Variants in PCDHA4 observed in about 807,000 individuals in gnomAD.
PCDHA4 encodes protocadherin alpha 4.
A neutral mutation model predicts 61.4 loss-of-function variants in PCDHA4; 49 were observed. The observed-to-expected ratio is 0.80, with a 90% confidence interval of 0.63 to 1.01. PCDHA4 has a LOEUF of 1.01. Among genes scored for constraint, PCDHA4 ranks in the 50% least tolerant of loss-of-function variants. PCDHA4 has a pLI of 0.00. For synonymous variants in PCDHA4, 590 were observed against 550.3 expected, an observed-to-expected ratio of 1.07 and a Z score of -1.01; for missense variants, 1,254 against 1,235.8, an observed-to-expected ratio of 1.01 and a Z score of -0.22.
At chr5:140,945,158 G>C in intron 1 of PCDHA4, among the ~76,000 whole-genome samples, 1 of 151,932 alleles carries the variant, frequency 6.6e-6, no homozygotes, top group Non-Finnish European at 1.5e-5. Flanking sequence ...ATACACTATT[G>C]AACTATCTGA....
rs2150249595 is a variant in PCDHA4 at position 140,835,988 on chromosome 5, G to A, written c.2385+26416G>A. Reference sequence around the variant, plus strand: ...AGCTGGAGCTGTTGCAGTTCCAGGTGAGCGCGCGCGATGCGGGCGTGCCGC... The same window carrying A: ...AGCTGGAGCTGTTGCAGTTCCAGGTAAGCGCGCGCGATGCGGGCGTGCCGC... On this transcript the variant is annotated intron_variant, in intron 1 of 3. Transcript: ENST00000530339. 6.1e-5 allele frequency: 99 copies of A among 1,613,224 alleles called. 1 individual carries two copies. The highest frequency in any genetic ancestry group is 7.6e-5 in the Non-Finnish European group (90 of 1,179,718).
At chr5:140,816,221 T>C (rs1765867541) in intron 1 of PCDHA4, 1 of 152,206 alleles carries the variant, frequency 6.6e-6, no homozygotes, top group Non-Finnish European at 1.5e-5. Flanking sequence ...TGCTACTCTG[T>C]CTGGATAATT....
At chr5:140,989,329 C>A (rs1554250749) in intron 3 of PCDHA4, among the ~76,000 whole-genome samples, 2 of 152,120 alleles carry the variant, frequency 1.3e-5, no homozygotes, top group African/African-American at 4.8e-5. Context: ...AACTTTGCCA[C>A]CTGACTCAGC....
intron 3 of PCDHA4, among the ~76,000 whole-genome samples, chr5:140,996,257 C>G (rs186736348): frequency 1.4e-4 from 22 of 152,342 alleles, no homozygotes; most frequent in African/African-American, 5.3e-4. Flanking sequence ...GACAGCAACA[C>G]AGAGCCTGGG....
rs576414745 is a variant in PCDHA4, at chr5:140,895,584, G to T, written c.2386-83365G>T. Among the ~76,000 whole-genome samples the T allele has an allele frequency of 9.2e-5, 14 of 152,210 alleles. No individual in the cohort carries two copies. In the South Asian group the frequency reaches 2.7e-3, roughly 29 times the overall value. The stretch of plus-strand genomic sequence containing the variant: ...TATTCTAGATGCAATTACTTTATTA[G>T]ATATATAATTTGCAAAGATTTTCTC... On this transcript the variant is annotated intron_variant, in intron 1 of 3. Coordinates refer to ENST00000530339, the MANE Select transcript of PCDHA4 (RefSeq NM_018907.4).
At position 140,886,849 on chromosome 5, in the gene PCDHA4, A is replaced by G. The variant is rs541841964; in HGVS notation, c.2385+77277A>G. ...CTTGAAAAAAAAAAAAAAAAAAAAG[A>G]AAGGTCTTCCCAACTCCTATATTGA... On this transcript the variant is annotated intron_variant, in intron 1 of 3. Coordinates refer to ENST00000530339, the MANE Select transcript of PCDHA4 (RefSeq NM_018907.4). Among the ~76,000 whole-genome samples, 4 of 150,006 alleles carry G rather than the reference A, an allele frequency of 2.7e-5. No homozygotes were observed. The East Asian group carries it at 7.8e-4, about 29-fold the overall frequency.
intron 1 of PCDHA4, chr5:140,883,659 T>A (rs2059734857): frequency 6.2e-7 from 1 of 1,612,766 alleles, no homozygotes. Flanking sequence ...ACGGTGTTCG[T>A]GAAGGAAAAC....
At chr5:140,950,778 G>C (rs537312607) in intron 1 of PCDHA4, among the ~76,000 whole-genome samples, 3 of 152,030 alleles carry the variant, frequency 2.0e-5, no homozygotes, top group Admixed American at 1.3e-4. Flanking sequence ...CATACATATG[G>C]TACTTTTTAA....
intron 1 of PCDHA4, chr5:140,928,259 A>G: frequency 6.2e-7 from 1 of 1,614,218 alleles, no homozygotes; most frequent in Non-Finnish European, 8.5e-7. Context: ...TTCGTTGCTG[A>G]AAACAATGGC....
rs369536692 is a variant in PCDHA4 at position 140,876,705 on chromosome 5, C to T, written c.2385+67133C>T. The T allele has an allele frequency of 2.0e-5, 33 of 1,614,240 alleles. No individual in the cohort carries two copies. In the African/African-American group the frequency reaches 3.3e-4, roughly 16 times the overall value. ...ATTACTACTCGTTGGTGCTGGACAG[C>T]GCCCTGGACCGCGAGAGCGTGTCGG... On this transcript the variant is annotated intron_variant, in intron 1 of 3. Transcript: ENST00000530339.
intron 1 of PCDHA4, chr5:140,836,932 C>G: frequency 4.1e-6 from 2 of 485,222 alleles, no homozygotes; most frequent in Non-Finnish European, 3.5e-6. Context: ...ATGCGTAATA[C>G]TATAGATCAA....
At chr5:140,926,155 T>TGCAGCAGGATCCAGCGCGGAAAGCCCC (rs1563077309) in intron 1 of PCDHA4, among the ~76,000 whole-genome samples, 3 of 152,076 alleles carry the variant, frequency 2.0e-5, no homozygotes, top group African/African-American at 4.8e-5. Context: ...CGGAAAGCTC[T>TGCAGCAGGATCCAGCGCGGAAAGCCCC]GCAGCAGGAT....
At chr5:140,828,176 G>C (rs782133322) in intron 1 of PCDHA4, 1 of 1,614,128 alleles carries the variant, frequency 6.2e-7, no homozygotes, top group African/African-American at 1.3e-5. Flanking sequence ...GGTGGGGAGC[G>C]GCCAGCTCCA....
intron 1 of PCDHA4, chr5:140,843,649 T>C: frequency 6.3e-7 from 1 of 1,595,168 alleles, no homozygotes. Context: ...GCCCCTGCCT[T>C]CCTCCTGATC....
At chr5:140,838,077 AGTGTGTGTGTGTGTGTGTGTGT>A (rs57130401) in intron 1 of PCDHA4, among the ~76,000 whole-genome samples, 4 of 80,664 alleles carry the variant, frequency 5.0e-5, no homozygotes, top group Admixed American at 1.2e-4. Flanking sequence ...ATATATATAT[AGTGTGTGTGTGTGTGTGTGTGT>A]GTGTGTGTGT....
In PCDHA4 at chr5:140,848,642, G is replaced by T. The variant is rs148369101; in HGVS notation, c.2385+39070G>T. On this transcript the variant is annotated intron_variant, in intron 1 of 3. Coordinates refer to ENST00000530339, the MANE Select transcript of PCDHA4 (RefSeq NM_018907.4). ...ACGGCACCTTCGTGGGCCGCATCGC[G>T]CAGGACCTGGGGCTGGAGCTGGCGG... 1.4e-5 allele frequency: 23 copies of T among 1,593,086 alleles called. 1 individual carries two copies. Among genetic ancestry groups the T allele is most frequent in the Admixed American group, 5.1e-5 (3 of 59,214 alleles).
At chr5:140,828,787 G>C in intron 1 of PCDHA4, 3 of 1,614,216 alleles carry the variant, frequency 1.9e-6, no homozygotes, top group African/African-American at 1.3e-5. Flanking sequence ...TGGTCACAGT[G>C]CTGGATGTGA....
At chr5:140,856,077 T>A in intron 1 of PCDHA4, 1 of 1,593,712 alleles carries the variant, frequency 6.3e-7, no homozygotes, top group South Asian at 1.1e-5. Flanking sequence ...TGCCTGGGGG[T>A]CCAGTGTCTG....
At chr5:140,991,167 G>T (rs186627829) in intron 3 of PCDHA4, among the ~76,000 whole-genome samples, 2 of 152,270 alleles carry the variant, frequency 1.3e-5, no homozygotes, top group Non-Finnish European at 2.9e-5. Flanking sequence ...TATTCCCATT[G>T]TCAAGCAGGA....
Sources: allele counts gnomAD v4.1 joint callset (sites outside exome capture counted in the v4.1 genomes callset), GRCh38; gene constraint gnomAD v4.1.1; transcripts MANE v1.5; gene names NCBI Gene and HGNC (gene_info 2026-07-23, HGNC 2026-07-21).